GLRA2: variants seen among roughly 807,000 people sequenced by gnomAD.
The protein encoded by GLRA2 is glycine receptor alpha 2.
GLRA2 carries 11 observed loss-of-function variants against 31.6 expected under a neutral mutation model. The observed-to-expected ratio is 0.35, with a 90% confidence interval of 0.22 to 0.58. GLRA2 has a LOEUF of 0.58. Among genes scored for constraint, GLRA2 ranks in the 20% least tolerant of loss-of-function variants. The probability of loss-of-function intolerance (pLI) is 0.84; values close to 1 mark genes in which losing one functional copy is unlikely to be tolerated. For missense variants in GLRA2, 212 were observed against 351.8 expected, an observed-to-expected ratio of 0.60 and a Z score of 3.18; for synonymous variants, 132 against 134.0, an observed-to-expected ratio of 0.99 and a Z score of 0.10.
upstream of GLRA2, among the ~76,000 whole-genome samples, chrX:14,524,958 G>A (rs764006924): frequency 9.1e-6 from 1 of 110,279 alleles, no homozygotes; most frequent in Admixed American, 9.7e-5. Flanking sequence ...ATAGACCTGA[G>A]AAAATTGATA....
At chrX:14,480,381 G>T in the GLRA2 span, among the ~76,000 whole-genome samples, 1 of 111,751 alleles carries the variant, frequency 8.9e-6, no homozygotes, top group Non-Finnish European at 1.9e-5. Flanking sequence ...GGTCACACTT[G>T]TCAATTTTTG....
the GLRA2 span, among the ~76,000 whole-genome samples, chrX:14,505,467 A>G: frequency 9.0e-6 from 1 of 111,460 alleles, no homozygotes; most frequent in Non-Finnish European, 1.9e-5. Context: ...AAGACTGAAC[A>G]TTTTCTGAGT....
chrX:14,729,218 TAA>T (rs1470392492), intron 8 of GLRA2, among the ~76,000 whole-genome samples: 1 of 112,142 alleles, frequency 8.9e-6, no homozygotes, highest in Non-Finnish European at 1.9e-5. Flanking sequence ...TCTGGCAAGA[TAA>T]AGAGTTTAGT....
At chrX:14,723,559 G>T (rs1488078315) in intron 8 of GLRA2, among the ~76,000 whole-genome samples, 2 of 111,670 alleles carry the variant, frequency 1.8e-5, no homozygotes, top group Non-Finnish European at 3.8e-5. Context: ...GCTCCCCTTG[G>T]TTCTCAAAAT....
At chrX:14,621,642 C>A (rs2090520004) in intron 7 of GLRA2, among the ~76,000 whole-genome samples, 1 of 111,256 alleles carries the variant, frequency 9.0e-6, no homozygotes, top group Admixed American at 9.6e-5. Context: ...TGATACTTTG[C>A]TCAGAATGAT....
chrX:14,572,095 C>T (rs1235978606), intron 2 of GLRA2, among the ~76,000 whole-genome samples: 1 of 111,764 alleles, frequency 8.9e-6, no homozygotes, highest in Non-Finnish European at 1.9e-5. Context: ...GCACTTAGCA[C>T]AGTGCAGCAA....
chrX:14,581,868 T>G (rs1042952559), intron 4 of GLRA2, among the ~76,000 whole-genome samples: 1 of 109,674 alleles, frequency 9.1e-6, no homozygotes, highest in African/African-American at 3.3e-5. Context: ...GGAAACCTGG[T>G]TCCAATGTCA....
rs757168841 is a variant in GLRA2 at position 14,574,416 on chromosome X, C to T, written c.270+16C>T. On this transcript the variant is annotated intron_variant, in intron 3 of 8. Transcript: ENST00000218075. ...AACGACCATGGTAAGTGCTGCAATG[C>T]CACTGGCAAGAGAAAGACACAACTC... 6.0e-6 allele frequency: 7 copies of T among 1,166,629 alleles called. No individual in the cohort carries two copies. The highest frequency in any genetic ancestry group is 5.9e-6 in the Non-Finnish European group (5 of 853,926).
chrX:14,478,155 C>A, the GLRA2 span, among the ~76,000 whole-genome samples: 4 of 110,605 alleles, frequency 3.6e-5, no homozygotes, highest in African/African-American at 1.3e-4. Context: ...TAGAGGGATG[C>A]AGAGATGAAA....
chrX:14,548,338 T>C (rs908821166), intron 2 of GLRA2, among the ~76,000 whole-genome samples: 1 of 111,794 alleles, frequency 8.9e-6, no homozygotes, highest in African/African-American at 3.2e-5. Flanking sequence ...ACACAGCTGC[T>C]GCCCTTTCTA....
intron 2 of GLRA2, among the ~76,000 whole-genome samples, chrX:14,545,192 G>A (rs2089461913): frequency 8.9e-6 from 1 of 111,824 alleles, no homozygotes; most frequent in Admixed American, 9.5e-5. Context: ...CCATAGACTG[G>A]GTAATTTTGA....
At chrX:14,591,151 G>C (rs1416888930) in intron 4 of GLRA2, among the ~76,000 whole-genome samples, 2 of 112,126 alleles carry the variant, frequency 1.8e-5, no homozygotes, top group Non-Finnish European at 3.8e-5. Flanking sequence ...AGACACAACA[G>C]AGTAAGGATC....
the GLRA2 span, among the ~76,000 whole-genome samples, chrX:14,495,258 A>C: frequency 9.0e-6 from 1 of 111,288 alleles, no homozygotes; most frequent in Non-Finnish European, 1.9e-5. Context: ...ATTAGGTGAA[A>C]ACCACTTAAA....
intron 2 of GLRA2, among the ~76,000 whole-genome samples, chrX:14,549,934 TGGA>T (rs1259820946): frequency 1.8e-5 from 2 of 111,177 alleles, no homozygotes; most frequent in Non-Finnish European, 3.8e-5. Flanking sequence ...TTAGAAAATC[TGGA>T]GGAGAACCAG....
the GLRA2 span, among the ~76,000 whole-genome samples, chrX:14,486,424 T>C: frequency 1.8e-5 from 2 of 111,456 alleles, no homozygotes; most frequent in East Asian, 5.6e-4. Context: ...GTTCAATAAA[T>C]AGACCATGAA....
chrX:14,453,720 T>G, the GLRA2 span, among the ~76,000 whole-genome samples: 1 of 112,128 alleles, frequency 8.9e-6, no homozygotes, highest in African/African-American at 3.2e-5. Flanking sequence ...AATGTAGGTT[T>G]TCTCAAAAGC....
intron 7 of GLRA2, among the ~76,000 whole-genome samples, chrX:14,673,378 T>A (rs1242075168): frequency 8.9e-6 from 1 of 112,168 alleles, no homozygotes; most frequent in Non-Finnish European, 1.9e-5. Context: ...ACTGTTCATC[T>A]CAGGAGTACA....
chrX:14,452,076 A>T, the GLRA2 span, among the ~76,000 whole-genome samples: 8 of 112,306 alleles, frequency 7.1e-5, no homozygotes, highest in African/African-American at 2.6e-4. Context: ...TACTACCTGG[A>T]TGATGGGAGC....
intron 7 of GLRA2, among the ~76,000 whole-genome samples, chrX:14,630,484 A>G (rs767169881): frequency 8.9e-6 from 1 of 111,916 alleles, no homozygotes; most frequent in East Asian, 2.8e-4. Flanking sequence ...TTGCAGATTT[A>G]TAGTTTTCAT....
Sources: gnomAD v4.1 joint callset for allele counts (sites outside exome capture counted in the v4.1 genomes callset) on GRCh38, gnomAD v4.1.1 for gene constraint, MANE v1.5 for transcripts, NCBI Gene and HGNC (gene_info 2026-07-23, HGNC 2026-07-21) for gene names.